The following MMP24 variants were observed in gnomAD, a reference collection of about 807,000 sequenced individuals.
MMP24 encodes matrix metalloproteinase-24.
In MMP24, 25 loss-of-function variants were observed where a neutral mutation model predicts 62.8. The ratio of observed to expected loss-of-function variants is 0.40; its 90% confidence interval spans 0.29 to 0.56. The LOEUF is 0.56. MMP24 is among the 20% of genes least tolerant of loss of function. MMP24 has a pLI of 0.50. For synonymous variants in MMP24, 319 were observed against 350.5 expected (o/e 0.91, Z 1.00); for missense variants, 634 against 853.6 (o/e 0.74, Z 3.21).
At chr20:35,245,313 C>T (rs1173111502) in intron 1 of MMP24, among the ~76,000 whole-genome samples, 3 of 152,220 alleles carry the variant, frequency 2.0e-5, no homozygotes, top group African/African-American at 7.2e-5. Context: ...AGGCATGAGC[C>T]ACCACACCCA....
At chr20:35,234,129 A>G (rs2060450797) in intron 1 of MMP24, among the ~76,000 whole-genome samples, 1 of 152,032 alleles carries the variant, frequency 6.6e-6, no homozygotes, top group Non-Finnish European at 1.5e-5. Flanking sequence ...CTCTTTTTCT[A>G]ATATACAGGC....
At chr20:35,260,130 G>A (rs891004961) in intron 4 of MMP24, among the ~76,000 whole-genome samples, 2 of 152,068 alleles carry the variant, frequency 1.3e-5, no homozygotes, top group African/African-American at 4.8e-5. Context: ...GGAGCATGGG[G>A]TCCTCATAGC....
chr20:35,242,481 T>C (rs1251770237), intron 1 of MMP24, among the ~76,000 whole-genome samples: 2 of 152,178 alleles, frequency 1.3e-5, no homozygotes, highest in Non-Finnish European at 2.9e-5. Flanking sequence ...ACAAATAAGC[T>C]ATAAATTTGG....
chr20:35,251,116 C>CTT (rs59317276), intron 2 of MMP24, among the ~76,000 whole-genome samples: 28 of 138,814 alleles, frequency 2.0e-4, no homozygotes, highest in South Asian at 9.3e-4. Flanking sequence ...TAAGCCACTT[C>CTT]TTTTTTTTTT....
Position 35,255,737 on chromosome 20 carries a change from G to A in MMP24, c.817+983G>A, listed in dbSNP as rs141698469. Reference sequence around the variant, plus strand: ...GGTGACAATGCAGGTATCAAGCCCTGGTTCAACTACTGGCTATGTGATACC... The same window carrying A: ...GGTGACAATGCAGGTATCAAGCCCTAGTTCAACTACTGGCTATGTGATACC... On this transcript the variant is annotated intron_variant, in intron 4 of 8. Transcript: ENST00000246186. Among the ~76,000 whole-genome samples the A allele has an allele frequency of 7.2e-3, 1,098 of 152,272 alleles. 10 individuals are homozygous for A. The highest frequency in any genetic ancestry group is 0.025 in the African/African-American group (1,046 of 41,540).
chr20:35,239,420 T>C (rs954584544), intron 1 of MMP24, among the ~76,000 whole-genome samples: 44 of 152,200 alleles, frequency 2.9e-4, no homozygotes, highest in Non-Finnish European at 1.5e-5. Context: ...GTTTGCTCTT[T>C]TAGCCCTAGC....
At chr20:35,249,382 G>T (rs961904597) in intron 2 of MMP24, among the ~76,000 whole-genome samples, 1 of 152,154 alleles carries the variant, frequency 6.6e-6, no homozygotes, top group Non-Finnish European at 1.5e-5. Flanking sequence ...TCATTCATTT[G>T]GTCAACAACA....
chr20:35,244,757 G>A (rs1471630423), intron 1 of MMP24, among the ~76,000 whole-genome samples: 1 of 149,726 alleles, frequency 6.7e-6, no homozygotes, highest in Non-Finnish European at 1.5e-5. Context: ...ATCTTTACTT[G>A]CTATCCTTCA....
chr20:35,246,354 G>A (rs957879237), intron 1 of MMP24, among the ~76,000 whole-genome samples: 5 of 152,060 alleles, frequency 3.3e-5, no homozygotes, highest in South Asian at 4.2e-4. Flanking sequence ...GCGTGTGCCT[G>A]TAATCCCAGC....
rs2060701723 is a variant in MMP24 at position 35,275,846 on chromosome 20, C to T, written c.*1237C>T. ...ACTGCTCTTAGAAGGACACCCCTAC[C>T]GGTAGCAGCCCCAAGCTGAGGGGGC... On this transcript the variant is annotated 3_prime_UTR_variant, in exon 9 of 9. Coordinates refer to ENST00000246186, the MANE Select transcript of MMP24 (RefSeq NM_006690.4). 5.0e-6 allele frequency: 2 copies of T among 396,456 alleles called. No individual in the cohort carries two copies. The highest frequency in any genetic ancestry group is 4.4e-6 in the Non-Finnish European group (1 of 225,266). The allele number at this position is 396,456 out of a possible 1,614,324, so 24.6% of individuals were successfully genotyped here.
At chr20:35,248,115 A>G (rs906812092) in intron 2 of MMP24, among the ~76,000 whole-genome samples, 3 of 152,090 alleles carry the variant, frequency 2.0e-5, no homozygotes, top group Non-Finnish European at 4.4e-5. Context: ...AGGCAGGTGG[A>G]AGATGCTAGC....
At chr20:35,262,700 G>T (rs1484788969) in intron 4 of MMP24, 6 of 145,670 alleles carry the variant, frequency 4.1e-5, no homozygotes, top group Non-Finnish European at 8.9e-5. Flanking sequence ...GGACAGTCAG[G>T]TCTTTCCCTT....
intron 2 of MMP24, among the ~76,000 whole-genome samples, chr20:35,249,072 T>C (rs1444294207): frequency 1.3e-5 from 2 of 151,664 alleles, no homozygotes; most frequent in African/African-American, 2.4e-5. Flanking sequence ...GGCGGGGGAG[T>C]TGTGGTCTGG....
chr20:35,242,558 T>C (rs189874893), intron 1 of MMP24, among the ~76,000 whole-genome samples: 2 of 152,358 alleles, frequency 1.3e-5, no homozygotes, highest in Admixed American at 1.3e-4. Flanking sequence ...CCTTTTCTTA[T>C]ACCTTAAAGT....
intron 8 of MMP24, chr20:35,272,274 C>T (rs1379246009): frequency 1.2e-5 from 5 of 414,318 alleles, no homozygotes; most frequent in East Asian, 3.5e-5. Context: ...CTCACTCTGT[C>T]GCCTAGGCTG....
rs2060619061 is a variant in MMP24 at position 35,264,096 on chromosome 20, TC to T, written c.979+146del. 5.3e-6 allele frequency: 5 copies of T among 944,960 alleles called. No individual in the cohort carries two copies. In the East Asian group the frequency reaches 1.6e-4, roughly 30 times the overall value. The allele number at this position is 944,960 out of a possible 1,614,324, so 58.5% of individuals were successfully genotyped here. On this transcript the variant is annotated intron_variant, in intron 5 of 8. Transcript: ENST00000246186. Reference sequence around the variant, plus strand: ...TCTCTGTGTGTGACCTTTACAGACTTCCAATGGCTTTGCCTGGCCAGAGGGC... The same window carrying T: ...TCTCTGTGTGTGACCTTTACAGACTTCAATGGCTTTGCCTGGCCAGAGGGC...
At chr20:35,246,162 T>C (rs536505930) in intron 1 of MMP24, among the ~76,000 whole-genome samples, 4 of 152,082 alleles carry the variant, frequency 2.6e-5, no homozygotes, top group African/African-American at 7.2e-5. Flanking sequence ...CATCACGGAA[T>C]CAGCCGTGCT....
rs376732968 is a variant in MMP24 at position 35,267,144 on chromosome 20, G to C, written c.980-61G>C. On this transcript the variant is annotated intron_variant, in intron 5 of 8. Coordinates refer to ENST00000246186, the MANE Select transcript of MMP24 (RefSeq NM_006690.4). ...CTCAGAGCTGCCTGGGTGATGCTGA[G>C]ACTGGCAATGGGAGGCGGGAAACGG... The C allele has an allele frequency of 3.6e-6, 5 of 1,383,552 alleles. No individual in the cohort carries two copies. The African/African-American group carries it at 7.2e-5, about 20-fold the overall frequency. 85.7% of individuals were successfully genotyped at this position (1,383,552 alleles called of 1,614,324 possible). A position where few individuals can be genotyped will look rare whatever the true frequency, so the allele number is the denominator to read the frequency against.
intron 2 of MMP24, among the ~76,000 whole-genome samples, chr20:35,251,249 G>C (rs960194820): frequency 2.0e-5 from 3 of 151,830 alleles, no homozygotes; most frequent in Non-Finnish European, 4.4e-5. Context: ...CTGCTGAGTA[G>C]CTGGGATTAC....
Sources: allele counts gnomAD v4.1 joint callset (sites outside exome capture counted in the v4.1 genomes callset), GRCh38; gene constraint gnomAD v4.1.1; transcripts MANE v1.5; gene names NCBI Gene and HGNC (gene_info 2026-07-23, HGNC 2026-07-21).